The following AGTPBP1 variants were observed in gnomAD, a reference collection of about 807,000 sequenced individuals.
The protein encoded by AGTPBP1 is cytosolic carboxypeptidase 1.
AGTPBP1 carries 70 observed loss-of-function variants against 143.9 expected under a neutral mutation model. That is an observed-to-expected ratio of 0.49 (90% CI 0.40 to 0.59). The LOEUF is 0.59. AGTPBP1 is among the 20% of genes least tolerant of loss of function. The probability of loss-of-function intolerance (pLI) is 0.00; values close to 1 mark genes in which losing one functional copy is unlikely to be tolerated. For missense variants in AGTPBP1, 1,229 were observed against 1,464.5 expected (o/e 0.84, Z 2.62); for synonymous variants, 463 against 500.2 (o/e 0.93, Z 0.99).
intron 25 of AGTPBP1, among the ~76,000 whole-genome samples, chr9:85,548,058 T>C (rs1331730459): frequency 6.6e-6 from 1 of 152,226 alleles, no homozygotes; most frequent in Admixed American, 6.5e-5. Context: ...AGAAACATTT[T>C]AGAATCTCTA....
chr9:85,573,110 G>A (rs1827621876), intron 25 of AGTPBP1, among the ~76,000 whole-genome samples: 1 of 148,602 alleles, frequency 6.7e-6, no homozygotes, highest in African/African-American at 2.5e-5. Flanking sequence ...CCTTCCCCAC[G>A]GTCTCCCTCT....
At chr9:85,560,740 T>C (rs904488967) in intron 25 of AGTPBP1, among the ~76,000 whole-genome samples, 10 of 151,702 alleles carry the variant, frequency 6.6e-5, no homozygotes, top group African/African-American at 2.4e-4. Context: ...AAAGAAAGAA[T>C]AGGTGAATTA....
At chr9:85,774,019 T>C in the AGTPBP1 span, 7 of 1,603,272 alleles carry the variant, frequency 4.4e-6, no homozygotes, top group Non-Finnish European at 6.0e-6. Flanking sequence ...ATGCAGTTGC[T>C]GTTACATCAT....
At chr9:85,708,120 G>T (rs992541082) in intron 2 of AGTPBP1, among the ~76,000 whole-genome samples, 4 of 152,114 alleles carry the variant, frequency 2.6e-5, no homozygotes, top group Non-Finnish European at 2.9e-5. Context: ...GAGGCTCTGA[G>T]GGAGAATCCA....
At chr9:85,732,210 CTTTTTT>C (rs144655182) in intron 1 of AGTPBP1, among the ~76,000 whole-genome samples, 5 of 120,986 alleles carry the variant, frequency 4.1e-5, no homozygotes, top group African/African-American at 1.3e-4. Flanking sequence ...GACTATGACC[CTTTTTT>C]TTTTTTTTTT....
the AGTPBP1 span, among the ~76,000 whole-genome samples, chr9:85,767,638 G>A: frequency 6.7e-6 from 1 of 150,094 alleles, no homozygotes; most frequent in Non-Finnish European, 1.5e-5. Flanking sequence ...AAGCCACCGC[G>A]CCCAGCCTAA....
At chr9:85,568,062 A>C (rs1258670660) in intron 25 of AGTPBP1, among the ~76,000 whole-genome samples, 1 of 152,206 alleles carries the variant, frequency 6.6e-6, no homozygotes, top group Non-Finnish European at 1.5e-5. Context: ...AGAAAACCAA[A>C]AATGCAAAGA....
chr9:85,632,848 G>C lies in AGTPBP1; in HGVS notation c.1829C>G (p.Ser610Trp). Reference protein sequence around the residue: ...EDDEDTESNSSVEQASVEVPD... With the variant: ...EDDEDTESNSWVEQASVEVPD... The stretch of plus-strand genomic sequence containing the variant: ...TACTTCAACCGATGCTTGTTCTACC[G>C]ATGAATTTGACTCAGTATCTTCATC... The change falls in exon 14 of 26, where the codon TCG becomes TGG. Residue 610 changes from serine to tryptophan, a missense_variant. Transcript: ENST00000357081. The C allele has an allele frequency of 1.2e-6, 2 of 1,614,116 alleles. No individual in the cohort carries two copies. The highest frequency in any genetic ancestry group is 3.3e-4 in the Middle Eastern group (2 of 6,062).
chr9:85,669,992 A>G (rs1834386466), intron 7 of AGTPBP1, among the ~76,000 whole-genome samples: 1 of 152,210 alleles, frequency 6.6e-6, no homozygotes, highest in Non-Finnish European at 1.5e-5. Flanking sequence ...CTTTCAAAAT[A>G]GATCAAGAGT....
At chr9:85,683,288 T>C (rs997578426) in intron 3 of AGTPBP1, among the ~76,000 whole-genome samples, 6 of 152,314 alleles carry the variant, frequency 3.9e-5, no homozygotes, top group Admixed American at 3.9e-4. Context: ...CCAGCCCTGC[T>C]GCCTCCATCA....
At chr9:85,602,850 G>A (rs1829754269) in intron 17 of AGTPBP1, among the ~76,000 whole-genome samples, 1 of 152,226 alleles carries the variant, frequency 6.6e-6, no homozygotes, top group South Asian at 2.1e-4. Context: ...GTGTGCTTCA[G>A]GGAGAGAACA....
At chr9:85,583,469 C>T (rs902712407) in intron 23 of AGTPBP1, among the ~76,000 whole-genome samples, 3 of 152,102 alleles carry the variant, frequency 2.0e-5, no homozygotes, top group African/African-American at 7.2e-5. Context: ...TACACAACTA[C>T]TGGTGAGGGG....
At chr9:85,644,861 G>GA (rs1244009383) in intron 12 of AGTPBP1, among the ~76,000 whole-genome samples, 1 of 152,104 alleles carries the variant, frequency 6.6e-6, no homozygotes, top group Non-Finnish European at 1.5e-5. Context: ...ATAAAAAAAG[G>GA]AAAAATTAAG....
intron 8 of AGTPBP1, among the ~76,000 whole-genome samples, chr9:85,664,602 G>T (rs1211296700): frequency 6.6e-6 from 1 of 152,028 alleles, no homozygotes; most frequent in African/African-American, 2.4e-5. Flanking sequence ...TCTCAGAAAC[G>T]TATTTTTAAA....
the AGTPBP1 span, among the ~76,000 whole-genome samples, chr9:85,780,605 A>C: frequency 6.6e-6 from 1 of 152,114 alleles, no homozygotes; most frequent in South Asian, 2.1e-4. Flanking sequence ...CTGGTGTTCT[A>C]AGGATAGGTC....
At chr9:85,708,172 T>G (rs548226591) in intron 2 of AGTPBP1, among the ~76,000 whole-genome samples, 1 of 152,226 alleles carries the variant, frequency 6.6e-6, no homozygotes, top group African/African-American at 2.4e-5. Context: ...CCTGTATTCA[T>G]TGGCTCATGG....
chr9:85,612,813 A>G (rs1830395308), intron 17 of AGTPBP1, among the ~76,000 whole-genome samples: 1 of 152,060 alleles, frequency 6.6e-6, no homozygotes, highest in Admixed American at 6.5e-5. Context: ...GAATGTGTGG[A>G]GAAAATAATC....
chr9:85,600,545 G>A (rs1053270829), intron 17 of AGTPBP1, among the ~76,000 whole-genome samples: 2 of 151,928 alleles, frequency 1.3e-5, no homozygotes, highest in African/African-American at 4.8e-5. Context: ...AGGCAGGCAG[G>A]CTACTTGGCC....
At chr9:85,677,947 T>C (rs1042763737) in intron 5 of AGTPBP1, among the ~76,000 whole-genome samples, 1 of 152,186 alleles carries the variant, frequency 6.6e-6, no homozygotes, top group African/African-American at 2.4e-5. Flanking sequence ...GAGGTGGCAG[T>C]GGGCAGAGAT....
Sources: gnomAD v4.1 joint callset for allele counts (sites outside exome capture counted in the v4.1 genomes callset) on GRCh38, gnomAD v4.1.1 for gene constraint, MANE v1.5 for transcripts, NCBI Gene and HGNC (gene_info 2026-07-23, HGNC 2026-07-21) for gene names.